RTKN2: variants seen among roughly 807,000 people sequenced by gnomAD.
RTKN2 encodes the protein rhotekin 2, also known as rhotekin-2.
In RTKN2, 69 loss-of-function variants were observed where a neutral mutation model predicts 71.5. The ratio of observed to expected loss-of-function variants is 0.96; its 90% CI spans 0.79 to 1.18. The LOEUF is 1.18. RTKN2 is among the 50% of genes most tolerant of loss of function. The pLI, the probability that RTKN2 is intolerant of heterozygous loss-of-function variation, is 0.00. For missense variants in RTKN2, 724 were observed against 719.7 expected (o/e 1.01, Z -0.07); for synonymous variants, 236 against 236.5 (o/e 1.00, Z 0.02).
chr10:62,259,311 G>T, intron 2 of RTKN2: 1 of 317,816 alleles, frequency 3.1e-6, no homozygotes. Flanking sequence ...TATTAACAGT[G>T]TGAAAATGAA....
At chr10:62,200,559 G>A (rs1841421980) in intron 10 of RTKN2, among the ~76,000 whole-genome samples, 1 of 151,780 alleles carries the variant, frequency 6.6e-6, no homozygotes, top group Non-Finnish European at 1.5e-5. Flanking sequence ...TATTCAAGAT[G>A]TTGAAAGGTT....
intron 7 of RTKN2, 30 bp from the exon 8 acceptor site, chr10:62,218,331 C>T (rs766144614): frequency 1.5e-6 from 2 of 1,335,896 alleles, no homozygotes; most frequent in East Asian, 2.3e-5. Context: ...AAAAAAAAAT[C>T]AAGTTATAAA....
intron 2 of RTKN2, among the ~76,000 whole-genome samples, chr10:62,252,658 CATAG>C (rs1842603460): frequency 1.3e-5 from 2 of 149,886 alleles, no homozygotes; most frequent in African/African-American, 4.9e-5. Context: ...TTGATCTTGA[CATAG>C]ATAGTAGCTG....
intron 8 of RTKN2, among the ~76,000 whole-genome samples, chr10:62,184,554 A>G (rs1035376598): frequency 7.9e-5 from 12 of 152,224 alleles, no homozygotes; most frequent in Admixed American, 6.5e-4. Context: ...ACTGGAACTT[A>G]CAAGAAATGG....
chr10:62,220,362 G>A lies in RTKN2; in HGVS notation c.782-2061C>T, dbSNP rs545720008. Among the ~76,000 whole-genome samples, 3 of 152,170 alleles carry A rather than the reference G, an allele frequency of 2.0e-5. No homozygotes were observed. In the South Asian group the frequency reaches 6.2e-4, roughly 32 times the overall value. On this transcript the variant is annotated intron_variant, in intron 7 of 11. Coordinates refer to ENST00000373789, the MANE Select transcript of RTKN2 (RefSeq NM_145307.4). ...AAAATGCAAACACAAATAAACAAAA[G>A]TTATCTTTCCTAAAACAGGCAGCAA...
intron 2 of RTKN2, among the ~76,000 whole-genome samples, chr10:62,260,020 C>T (rs12359596): frequency 0.041 from 6,168 of 152,242 alleles, 205 homozygotes; most frequent in Non-Finnish European, 0.061. Context: ...GATTTAGTGT[C>T]TATACTTATT....
Position 62,195,940 on chromosome 10 carries a change from TTA to T in RTKN2, c.*1966_*1967del, listed in dbSNP as rs1841322532. 1 of 985,244 alleles carries T rather than the reference TTA, an allele frequency of 1.0e-6. No homozygotes were observed. Among genetic ancestry groups the T allele is most frequent in the Non-Finnish European group, 1.2e-6 (1 of 829,824 alleles). The allele number at this position is 985,244 out of a possible 1,614,324, so 61.0% of individuals were successfully genotyped here. A position where few individuals can be genotyped will look rare whatever the true frequency, so the allele number is the denominator to read the frequency against. On this transcript the variant is annotated 3_prime_UTR_variant, in exon 12 of 12. Coordinates refer to ENST00000373789, the MANE Select transcript of RTKN2 (RefSeq NM_145307.4). ...TTTCTGTATGAATACTTTCTTTTTCTTATACACCTTAAGTCCTTCCTGCTGTT... is the reference window on the plus strand; with the variant it reads ...TTTCTGTATGAATACTTTCTTTTTCTTACACCTTAAGTCCTTCCTGCTGTT...
intron 2 of RTKN2, among the ~76,000 whole-genome samples, chr10:62,261,061 T>C (rs955766205): frequency 6.6e-6 from 1 of 152,220 alleles, no homozygotes; most frequent in Admixed American, 6.5e-5. Flanking sequence ...CCATATTTAT[T>C]CTATGACTTT....
At chr10:62,260,534 A>ATGTG (rs3080116) in intron 2 of RTKN2, among the ~76,000 whole-genome samples, 105 of 151,016 alleles carry the variant, frequency 7.0e-4, no homozygotes, top group Middle Eastern at 3.4e-3. Flanking sequence ...GAACAAATAT[A>ATGTG]TGTGTGTGTG....
intron 9 of RTKN2, among the ~76,000 whole-genome samples, chr10:62,208,529 A>C (rs183489489): frequency 6.6e-6 from 1 of 152,326 alleles, no homozygotes; most frequent in East Asian, 1.9e-4. Context: ...TAGCAATGGC[A>C]ATGGACAGAC....
At chr10:62,199,885 G>A in intron 10 of RTKN2, 24 bp from the exon 11 acceptor site, 4 of 1,413,546 alleles carry the variant, frequency 2.8e-6, no homozygotes, top group Non-Finnish European at 4.0e-6. Context: ...AAAAAAGGTA[G>A]ACTAGTTTAA....
At chr10:62,202,580 C>T (rs1038493082) in intron 10 of RTKN2, among the ~76,000 whole-genome samples, 4 of 152,116 alleles carry the variant, frequency 2.6e-5, no homozygotes, top group African/African-American at 7.2e-5. Flanking sequence ...AGAATTTGTA[C>T]TTTAAAAATT....
At chr10:62,244,218 G>GT (rs1357758920) in intron 3 of RTKN2, among the ~76,000 whole-genome samples, 1 of 151,908 alleles carries the variant, frequency 6.6e-6, no homozygotes, top group African/African-American at 2.4e-5. Flanking sequence ...TTTTTATTTT[G>GT]TTTTTACAAA....
chr10:62,235,971 T>C (rs1842249190), intron 6 of RTKN2, 95 bp downstream of exon 6: 2 of 918,932 alleles, frequency 2.2e-6, no homozygotes, highest in Non-Finnish European at 3.3e-6. Context: ...CTGATGTTTT[T>C]CCATTTATAA....
At chr10:62,199,159 C>T (rs1841389769) in intron 11 of RTKN2, among the ~76,000 whole-genome samples, 1 of 152,140 alleles carries the variant, frequency 6.6e-6, no homozygotes, top group African/African-American at 2.4e-5. Context: ...AGTACAGGTA[C>T]ATTAGTGGCA....
In RTKN2 at chr10:62,217,251, TGAA is replaced by T; in HGVS notation, c.889-5_889-3del. Reference sequence around the variant, plus strand: ...ACTAATCAGACCTTCTACCATTTGCTGAAAAAAAAAAAAAAAAAATCAAGAGAC... The same window carrying T: ...ACTAATCAGACCTTCTACCATTTGCTAAAAAAAAAAAAAAAATCAAGAGAC... On this transcript the variant is annotated splice_region_variant and splice_polypyrimidine_tract_variant and intron_variant, in intron 8 of 11. Coordinates refer to ENST00000373789, the MANE Select transcript of RTKN2 (RefSeq NM_145307.4). 1 of 1,392,564 alleles carries T rather than the reference TGAA, an allele frequency of 7.2e-7. No individual in the cohort carries two copies. Among genetic ancestry groups the T allele is most frequent in the African/African-American group, 2.8e-5 (1 of 36,328 alleles). The allele number at this position is 1,392,564 out of a possible 1,614,324, so 86.3% of individuals were successfully genotyped here. A position where few individuals can be genotyped will look rare whatever the true frequency, so the allele number is the denominator to read the frequency against.
At position 62,253,051 on chromosome 10, in the gene RTKN2, A is replaced by C. The variant is rs756960674; in HGVS notation, c.258-6994T>G. Among the ~76,000 whole-genome samples, 122 of 152,252 alleles carry C rather than the reference A, an allele frequency of 8.0e-4. 1 individual carries two copies. Among genetic ancestry groups the C allele is most frequent in the Non-Finnish European group, 1.4e-3 (95 of 67,970 alleles). On this transcript the variant is annotated intron_variant, in intron 2 of 11. Transcript: ENST00000373789. Reference sequence around the variant, plus strand: ...AAATATAAAATGTCTTAATTTTCCCATTAAAAGGATTTCCAGATTGGCTTG... The same window carrying C: ...AAATATAAAATGTCTTAATTTTCCCCTTAAAAGGATTTCCAGATTGGCTTG...
At chr10:62,201,345 A>G (rs894014257) in intron 10 of RTKN2, among the ~76,000 whole-genome samples, 1 of 152,174 alleles carries the variant, frequency 6.6e-6, no homozygotes, top group Non-Finnish European at 1.5e-5. Context: ...AAACATAAAA[A>G]AAGCCTTTCA....
rs117555835 is a variant in RTKN2 at position 62,251,449 on chromosome 10, G to A, written c.258-5392C>T. On this transcript the variant is annotated intron_variant, in intron 2 of 11. Coordinates refer to ENST00000373789, the MANE Select transcript of RTKN2 (RefSeq NM_145307.4). Reference sequence around the variant, plus strand: ...AGGATGATGGAACATACCCCCTCAAGGGTAAGGTGTCCTGTGATCCCTTCT... The same window carrying A: ...AGGATGATGGAACATACCCCCTCAAAGGTAAGGTGTCCTGTGATCCCTTCT... Among the ~76,000 whole-genome samples, 1,418 of 152,204 alleles carry A rather than the reference G, an allele frequency of 9.3e-3. 14 individuals are homozygous for A. The highest frequency in any genetic ancestry group is 0.013 in the Non-Finnish European group (901 of 67,996).
Sources: allele counts gnomAD v4.1 joint callset (sites outside exome capture counted in the v4.1 genomes callset), GRCh38; gene constraint gnomAD v4.1.1; transcripts MANE v1.5; gene names NCBI Gene and HGNC (gene_info 2026-07-23, HGNC 2026-07-21).